The following PDE9A variants were observed in gnomAD, a reference collection of about 807,000 sequenced individuals.
PDE9A encodes the protein high affinity cGMP-specific 3',5'-cyclic phosphodiesterase 9A.
Under a neutral mutation model 87.4 loss-of-function variants are expected in PDE9A, and 60 were observed. The observed-to-expected ratio is 0.69, with a 90% CI of 0.56 to 0.85. The LOEUF is 0.85. Ranked by LOEUF, PDE9A falls within the 40% of genes least tolerant of loss-of-function variation. PDE9A has a pLI of 0.00. For missense variants in PDE9A, 665 were observed against 779.0 expected, an observed-to-expected ratio of 0.85 and a Z score of 1.74; for synonymous variants, 272 against 279.4, an observed-to-expected ratio of 0.97 and a Z score of 0.27.
At position 42,769,836 on chromosome 21, in the gene PDE9A, G is replaced by A. The variant is rs566619981; in HGVS notation, c.1590+681G>A. ...CTGAGCAGCCTCTTCCCCGGCTGTC[G>A]TGGTGACCGCTGTCCCTGTTCCATC... On this transcript the variant is annotated intron_variant, in intron 17 of 19. Coordinates refer to ENST00000291539, the MANE Select transcript of PDE9A (RefSeq NM_002606.3). 9.2e-5 allele frequency among the ~76,000 whole-genome samples: 14 copies of A among 152,052 alleles called. No homozygotes were observed. In the East Asian group the frequency reaches 2.2e-3, roughly 24 times the overall value.
rs545580947 is a variant in PDE9A, at chr21:42,739,747, A to G, written c.569-4029A>G. On this transcript the variant is annotated intron_variant, in intron 7 of 19. Coordinates refer to ENST00000291539, the MANE Select transcript of PDE9A (RefSeq NM_002606.3). The surrounding 1 kb of genome is among the most constrained non-coding windows in gnomAD (Gnocchi z 4.1). ...ACTCTGCACTGTCAATACAAACGCT[A>G]TGCACCCATCAAAAACCATGAGCTG... Among the ~76,000 whole-genome samples, 14 of 151,960 alleles carry G rather than the reference A, an allele frequency of 9.2e-5. No homozygotes were observed. Among genetic ancestry groups the G allele is most frequent in the Admixed American group, 4.6e-4 (7 of 15,254 alleles).
intron 1 of PDE9A, among the ~76,000 whole-genome samples, chr21:42,674,805 CAA>C (rs914670906): frequency 1.3e-5 from 2 of 152,232 alleles, no homozygotes; most frequent in Non-Finnish European, 2.9e-5. Flanking sequence ...GGCTTAATGC[CAA>C]AGAGTGTTCT....
rs2050601446 is a variant in PDE9A, at chr21:42,722,142, A to AT, written c.263-9621dup. 6.6e-6 allele frequency among the ~76,000 whole-genome samples: 1 copy of AT among 151,646 alleles called. No individual in the cohort carries two copies. The highest frequency in any genetic ancestry group is 2.1e-4 in the South Asian group (1 of 4,794). The stretch of plus-strand genomic sequence containing the variant: ...AGGCACGTACCACCATGCCCAGCTA[A>AT]TTTTTTTGTATTTTTAGTAGAGACG... On this transcript the variant is annotated intron_variant, in intron 4 of 19. Transcript: ENST00000291539. This position sits in a 1 kb window ranked among gnomAD's most constrained non-coding sequence, Gnocchi z 4.1.
intron 17 of PDE9A, among the ~76,000 whole-genome samples, chr21:42,769,916 T>C (rs1602594510): frequency 1.3e-5 from 2 of 152,272 alleles, no homozygotes; most frequent in South Asian, 4.1e-4. Flanking sequence ...CACTCTGTGC[T>C]GCACTCCCTG....
chr21:42,767,226 C>T (rs1313015354), intron 15 of PDE9A, among the ~76,000 whole-genome samples: 1 of 152,068 alleles, frequency 6.6e-6, no homozygotes. Flanking sequence ...TAGTGCGGGC[C>T]AGCGTGGGAG....
At chr21:42,773,841 A>G (rs577606592) in intron 19 of PDE9A, among the ~76,000 whole-genome samples, 2 of 150,198 alleles carry the variant, frequency 1.3e-5, no homozygotes, top group African/African-American at 2.5e-5. Context: ...GCAGTGGCTC[A>G]TGCCTGTAGT....
intron 13 of PDE9A, among the ~76,000 whole-genome samples, chr21:42,761,610 C>T (rs779019727): frequency 2.6e-5 from 4 of 152,204 alleles, no homozygotes; most frequent in Non-Finnish European, 2.9e-5. Flanking sequence ...CTAGTGGGTT[C>T]CGAGGTGTGG....
chr21:42,656,611 T>C (rs1341850538), intron 1 of PDE9A, among the ~76,000 whole-genome samples: 2 of 152,222 alleles, frequency 1.3e-5, no homozygotes, highest in Non-Finnish European at 2.9e-5. Context: ...GCTTTATTTA[T>C]ATGAAGAAAA....
intron 3 of PDE9A, chr21:42,697,358 C>A: frequency 9.6e-7 from 1 of 1,040,144 alleles, no homozygotes; most frequent in Non-Finnish European, 1.5e-6. Context: ...CCCAGTTAAT[C>A]ACCATGAACA....
At chr21:42,672,709 T>C (rs935072878) in intron 1 of PDE9A, among the ~76,000 whole-genome samples, 3 of 152,230 alleles carry the variant, frequency 2.0e-5, no homozygotes, top group African/African-American at 7.2e-5. Flanking sequence ...CCCGTCGAGT[T>C]TGGTTTCTTG....
rs182939509 is a variant in PDE9A, at chr21:42,732,983, C to T, written c.498-373C>T. ...GGGTTGGAGCCTCCAGAGAGCACAACAGGTCCTCCGAAGGTGTCTGTGCCC... is the reference window on the plus strand; with the variant it reads ...GGGTTGGAGCCTCCAGAGAGCACAATAGGTCCTCCGAAGGTGTCTGTGCCC... On this transcript the variant is annotated intron_variant, in intron 6 of 19. Coordinates refer to ENST00000291539, the MANE Select transcript of PDE9A (RefSeq NM_002606.3). Among the ~76,000 whole-genome samples the T allele has an allele frequency of 5.3e-5, 8 of 152,330 alleles. No homozygotes were observed. In the East Asian group the frequency reaches 1.5e-3, roughly 29 times the overall value.
Position 42,775,356 on chromosome 21 carries a change from C to G in PDE9A, c.*63C>G. ...GGCCGAGCTGCGCGGGATCCTTGTG[C>G]AGGGAAGAGCTGCCCTGGGCACCTG... On this transcript the variant is annotated 3_prime_UTR_variant, in exon 20 of 20. Transcript: ENST00000291539. 5 of 1,513,006 alleles carry G rather than the reference C, an allele frequency of 3.3e-6. No individual in the cohort carries two copies. Among genetic ancestry groups the G allele is most frequent in the Non-Finnish European group, 4.5e-6 (5 of 1,106,110 alleles). The allele number at this position is 1,513,006 out of a possible 1,614,324, so 93.7% of individuals were successfully genotyped here.
chr21:42,665,625 C>T (rs2057910549), intron 1 of PDE9A, among the ~76,000 whole-genome samples: 3 of 152,166 alleles, frequency 2.0e-5, no homozygotes, highest in South Asian at 2.1e-4. Flanking sequence ...CTGCCCTGGC[C>T]GGCCCTTGCT....
chr21:42,688,898 G>A (rs940400925), intron 3 of PDE9A, among the ~76,000 whole-genome samples: 15 of 152,030 alleles, frequency 9.9e-5, no homozygotes, highest in Non-Finnish European at 1.6e-4. Context: ...CCCAGTGGGC[G>A]TGGCCAGCAC....
rs1217282206 is a variant in PDE9A at position 42,694,297 on chromosome 21, GT to G, written c.219-4670del. Among the ~76,000 whole-genome samples, 1 of 152,152 alleles carries G rather than the reference GT, an allele frequency of 6.6e-6. No homozygotes were observed. The highest frequency in any genetic ancestry group is 1.5e-5 in the Non-Finnish European group (1 of 68,030). ...TTGGTGTGGACTTGGTCACCTCACT[GT>G]CCCCCCAGCCTCAGGCCCAGGAACC... On this transcript the variant is annotated intron_variant, in intron 3 of 19. Transcript: ENST00000291539. This position sits in a 1 kb window ranked among gnomAD's most constrained non-coding sequence, Gnocchi z 5.3.
intron 7 of PDE9A, among the ~76,000 whole-genome samples, chr21:42,742,057 C>T (rs1602397913): frequency 6.6e-6 from 1 of 152,162 alleles, no homozygotes; most frequent in Admixed American, 6.5e-5. Context: ...TTCATGGCAG[C>T]TTTTCTGGGG....
Position 42,765,361 on chromosome 21 carries a change from G to T in PDE9A, c.1243-20G>T. 7.0e-7 allele frequency: 1 copy of T among 1,437,882 alleles called. No individual in the cohort carries two copies. Among genetic ancestry groups the T allele is most frequent in the Non-Finnish European group, 9.8e-7 (1 of 1,022,226 alleles). 89.1% of individuals were successfully genotyped at this position (1,437,882 alleles called of 1,614,324 possible). On this transcript the variant is annotated intron_variant, in intron 14 of 19. Coordinates refer to ENST00000291539, the MANE Select transcript of PDE9A (RefSeq NM_002606.3). ...GTTCAGACTATACCCGTGTTAACACGTTGTTCTCTCGCTATTTAGGGAATG... is the reference window on the plus strand; with the variant it reads ...GTTCAGACTATACCCGTGTTAACACTTTGTTCTCTCGCTATTTAGGGAATG...
At chr21:42,686,605 A>G (rs933502165) in intron 2 of PDE9A, among the ~76,000 whole-genome samples, 1 of 152,046 alleles carries the variant, frequency 6.6e-6, no homozygotes, top group Non-Finnish European at 1.5e-5. Context: ...ACCTGAGGTC[A>G]GGAGTTCGAG....
intron 4 of PDE9A, among the ~76,000 whole-genome samples, chr21:42,728,378 C>A (rs965392475): frequency 6.6e-6 from 1 of 152,098 alleles, no homozygotes; most frequent in Admixed American, 6.6e-5. Flanking sequence ...CTCCTCCATT[C>A]CTAATTTTAT....
Sources: allele counts gnomAD v4.1 joint callset (sites outside exome capture counted in the v4.1 genomes callset), GRCh38; gene constraint gnomAD v4.1.1; non-coding constraint Gnocchi (gnomAD v3.1); transcripts MANE v1.5; gene names NCBI Gene and HGNC (gene_info 2026-07-23, HGNC 2026-07-21).